Variants in DNAH5 observed in about 807,000 individuals in gnomAD.
The protein encoded by DNAH5 is axonemal beta dynein heavy chain 5.
DNAH5 carries 372 observed loss-of-function variants against 518.2 expected under a neutral mutation model. The observed-to-expected ratio is 0.72, with a 90% confidence interval of 0.66 to 0.78. DNAH5 has a LOEUF of 0.78. Among genes scored for constraint, DNAH5 ranks in the 30% least tolerant of loss-of-function variants. DNAH5 has a pLI of 0.00. For synonymous variants in DNAH5, 2,039 were observed against 2,025.9 expected, an observed-to-expected ratio of 1.01 and a Z score of -0.17; for missense variants, 5,523 against 5,687.0, an observed-to-expected ratio of 0.97 and a Z score of 0.93.
intron 9 of DNAH5, among the ~76,000 whole-genome samples, chr5:13,915,252 G>A (rs1352045699): frequency 6.6e-6 from 1 of 152,024 alleles, no homozygotes; most frequent in African/African-American, 2.4e-5. Flanking sequence ...CAAGGGGTGG[G>A]GGTATAGGTG....
At chr5:13,825,427 C>T (rs978155181) in intron 38 of DNAH5, among the ~76,000 whole-genome samples, 6 of 152,064 alleles carry the variant, frequency 3.9e-5, no homozygotes, top group Non-Finnish European at 8.8e-5. Flanking sequence ...CATAGCAGCA[C>T]CATTCATGAT....
At chr5:13,940,248 T>G (rs191951207) in intron 1 of DNAH5, among the ~76,000 whole-genome samples, 7 of 152,138 alleles carry the variant, frequency 4.6e-5, no homozygotes, top group Admixed American at 3.9e-4. Flanking sequence ...TTTCTGGACC[T>G]GAAGTGAGAT....
At chr5:13,788,941 T>C in intron 50 of DNAH5, 27 bp from the exon 51 acceptor site, 1 of 1,601,292 alleles carries the variant, frequency 6.2e-7, no homozygotes, top group Non-Finnish European at 8.6e-7. Flanking sequence ...TAAAATGTGT[T>C]AGTAATTCCT....
Position 13,708,318 on chromosome 5 carries a change from C to T in DNAH5, c.13143G>A (p.Gln4381=). The change falls in exon 76 of 79, where the codon CAG becomes CAA. Residue 4381 remains glutamine, a synonymous_variant. Transcript: ENST00000265104. ...YVPFEVKERL[Q]KMGPFQPMNI... is the part of the protein sequence containing the mutation. ...TCATAGGCTGGAATGGCCCCATCTT[C>T]TGCAGCCTCTCTTTTACCTGCCATG... 1 of 1,614,064 alleles carries T rather than the reference C, an allele frequency of 6.2e-7. No homozygotes were observed. The highest frequency in any genetic ancestry group is 8.5e-7 in the Non-Finnish European group (1 of 1,180,000).
intron 19 of DNAH5, among the ~76,000 whole-genome samples, chr5:13,883,338 C>T (rs1771938490): frequency 6.6e-6 from 1 of 151,964 alleles, no homozygotes; most frequent in African/African-American, 2.4e-5. Context: ...CACAATGAAA[C>T]CCACTGTGTG....
At chr5:13,746,968 C>T (rs1749437960) in intron 65 of DNAH5, among the ~76,000 whole-genome samples, 1 of 151,976 alleles carries the variant, frequency 6.6e-6, no homozygotes, top group Non-Finnish European at 1.5e-5. Context: ...ATACATGTGC[C>T]ATGTTGGTGT....
At chr5:13,775,738 G>A (rs112827681) in intron 55 of DNAH5, among the ~76,000 whole-genome samples, 196 of 152,282 alleles carry the variant, frequency 1.3e-3, no homozygotes, top group African/African-American at 4.4e-3. Flanking sequence ...GTAAGAGGAT[G>A]AGACTCCAGA....
chr5:13,876,203 T>C (rs1208899525), intron 22 of DNAH5, among the ~76,000 whole-genome samples: 3 of 152,202 alleles, frequency 2.0e-5, no homozygotes, highest in Non-Finnish European at 2.9e-5. Flanking sequence ...TTTGTATTGA[T>C]AGTACTAATA....
At chr5:13,818,528 CTT>C (rs995230849) in intron 41 of DNAH5, among the ~76,000 whole-genome samples, 1 of 152,232 alleles carries the variant, frequency 6.6e-6, no homozygotes, top group Admixed American at 6.5e-5. Flanking sequence ...GACACAGACT[CTT>C]TTTTTCTGCT....
chr5:13,776,236 T>C (rs1483435556), intron 55 of DNAH5, among the ~76,000 whole-genome samples: 1 of 152,164 alleles, frequency 6.6e-6, no homozygotes, highest in Non-Finnish European at 1.5e-5. Flanking sequence ...GTCCAAGAGA[T>C]ACTTGGCTTT....
chr5:13,701,509 A>G (rs76323095), intron 76 of DNAH5, 73 bp from the exon 77 acceptor site: 1 of 104,634 alleles, frequency 9.6e-6, no homozygotes, highest in Non-Finnish European at 1.6e-5. Context: ...ATGTTCACTG[A>G]AAAAAAAAAA....
intron 16 of DNAH5, among the ~76,000 whole-genome samples, chr5:13,891,910 C>G (rs955521893): frequency 1.3e-5 from 2 of 152,068 alleles, no homozygotes; most frequent in Non-Finnish European, 2.9e-5. Flanking sequence ...TAATGGATAT[C>G]CATCTAAGGG....
chr5:13,777,466 C>T, intron 53 of DNAH5, 111 bp from the exon 54 acceptor site: 1 of 866,406 alleles, frequency 1.2e-6, no homozygotes, highest in African/African-American at 1.7e-5. Flanking sequence ...TGATTTTGTT[C>T]TATCGTATAC....
upstream of DNAH5, among the ~76,000 whole-genome samples, chr5:13,946,353 A>G (rs1196377479): frequency 6.6e-6 from 1 of 152,156 alleles, no homozygotes; most frequent in East Asian, 1.9e-4. Context: ...GAAGCCTTCC[A>G]GTCTGTGTGG....
At chr5:13,830,249 A>G (rs757739347) in intron 36 of DNAH5, 36 bp from the exon 37 acceptor site, 1 of 1,582,870 alleles carries the variant, frequency 6.3e-7, no homozygotes. Flanking sequence ...TCCAATTAGT[A>G]TATAATTTTA....
intron 52 of DNAH5, among the ~76,000 whole-genome samples, chr5:13,782,349 C>G (rs1292513868): frequency 1.3e-5 from 2 of 152,166 alleles, no homozygotes; most frequent in African/African-American, 4.8e-5. Flanking sequence ...ATTACTTTCC[C>G]CAGTTTAGTG....
At chr5:13,692,199 A>G in intron 78 of DNAH5, 64 bp from the exon 79 acceptor site, 1 of 1,569,024 alleles carries the variant, frequency 6.4e-7, no homozygotes, top group South Asian at 1.1e-5. Context: ...AGGAGAATGC[A>G]GAGCCATGCT....
At chr5:13,812,148 T>C (rs996636618) in intron 43 of DNAH5, among the ~76,000 whole-genome samples, 6 of 152,134 alleles carry the variant, frequency 3.9e-5, no homozygotes, top group African/African-American at 1.4e-4. Context: ...TGGGCCTACA[T>C]GTTCAGCTAC....
At chr5:13,914,441 A>G in intron 10 of DNAH5, 79 bp downstream of exon 10, 1 of 1,476,976 alleles carries the variant, frequency 6.8e-7, no homozygotes, top group Non-Finnish European at 9.3e-7. Flanking sequence ...TGATATAATA[A>G]TTACAAAATG....
Sources: allele counts gnomAD v4.1 joint callset (sites outside exome capture counted in the v4.1 genomes callset), GRCh38; gene constraint gnomAD v4.1.1; transcripts MANE v1.5; gene names NCBI Gene and HGNC (gene_info 2026-07-23, HGNC 2026-07-21).